Variants in SLC14A2 observed in about 807,000 individuals in gnomAD.
SLC14A2 encodes urea transporter 2.
Under a neutral mutation model 104.6 loss-of-function variants are expected in SLC14A2, and 91 were observed. The observed-to-expected ratio is 0.87, with a 90% CI of 0.73 to 1.04. The LOEUF is 1.04. SLC14A2 is among the 50% of genes least tolerant of loss of function. The pLI is 0.00. For missense variants in SLC14A2, 1,189 were observed against 1,156.0 expected, an observed-to-expected ratio of 1.03 and a Z score of -0.41; for synonymous variants, 476 against 466.4, an observed-to-expected ratio of 1.02 and a Z score of -0.27.
At chr18:45,497,426 A>G (rs765730310) in intron 2 of SLC14A2, among the ~76,000 whole-genome samples, 3 of 152,164 alleles carry the variant, frequency 2.0e-5, no homozygotes, top group South Asian at 2.1e-4. Context: ...TAGACATACA[A>G]TCTTTCAGGC....
At chr18:45,368,764 G>T (rs1859728386) in intron 1 of SLC14A2, among the ~76,000 whole-genome samples, 1 of 152,142 alleles carries the variant, frequency 6.6e-6, no homozygotes, top group South Asian at 2.1e-4. Flanking sequence ...TTTTGGATTG[G>T]CTTAACTGTT....
intron 1 of SLC14A2, among the ~76,000 whole-genome samples, chr18:45,385,094 T>A (rs957539916): frequency 6.6e-6 from 1 of 152,238 alleles, no homozygotes; most frequent in Non-Finnish European, 1.5e-5. Context: ...GAAAAACATC[T>A]GCACACTGAA....
chr18:45,524,113 C>T (rs963434398), intron 2 of SLC14A2, among the ~76,000 whole-genome samples: 1 of 152,050 alleles, frequency 6.6e-6, no homozygotes, highest in African/African-American at 2.4e-5. Context: ...GTATAAAGCA[C>T]CTGGATGGAG....
chr18:45,637,056 C>T lies in SLC14A2; in HGVS notation c.717C>T (p.Pro239=). The change falls in exon 6 of 20, where the codon CCC becomes CCT. Residue 239 remains proline, a synonymous_variant. Transcript: ENST00000255226. ...SKWDLPVFTL[P]FNIAVTLYLA... is the part of the protein sequence containing the mutation. Reference sequence around the variant, plus strand: ...GGGACCTCCCGGTCTTCACTCTGCCCTTCAACATTGCAGTCACCTTGTACC... The same window carrying T: ...GGGACCTCCCGGTCTTCACTCTGCCTTTCAACATTGCAGTCACCTTGTACC... 6.2e-7 allele frequency: 1 copy of T among 1,614,212 alleles called. No homozygotes were observed. Among genetic ancestry groups the T allele is most frequent in the Non-Finnish European group, 8.5e-7 (1 of 1,180,012 alleles).
chr18:45,507,287 T>A (rs900309021), intron 2 of SLC14A2: 9 of 152,288 alleles, frequency 5.9e-5, no homozygotes, highest in Admixed American at 2.0e-4. Context: ...TGGGAGAGCA[T>A]TGATGACCGG....
intron 1 of SLC14A2, among the ~76,000 whole-genome samples, chr18:45,472,113 T>C (rs553622395): frequency 1.3e-5 from 2 of 152,094 alleles, no homozygotes; most frequent in South Asian, 2.1e-4. Context: ...CCCTTATGAG[T>C]GAGAATATGC....
intron 1 of SLC14A2, among the ~76,000 whole-genome samples, chr18:45,453,928 C>T (rs1414226490): frequency 7.0e-6 from 1 of 143,778 alleles, no homozygotes; most frequent in South Asian, 2.2e-4. Flanking sequence ...GGCATGATCT[C>T]GGCTCACTGC....
At chr18:45,491,193 G>C (rs1598906882) in intron 2 of SLC14A2, among the ~76,000 whole-genome samples, 1 of 152,090 alleles carries the variant, frequency 6.6e-6, no homozygotes, top group Admixed American at 6.5e-5. Context: ...ATTGAAAATT[G>C]GAAAACAATT....
At chr18:45,489,185 T>C (rs750835104) in intron 2 of SLC14A2, among the ~76,000 whole-genome samples, 6 of 152,236 alleles carry the variant, frequency 3.9e-5, no homozygotes, top group Non-Finnish European at 5.9e-5. Context: ...CTCATGATTC[T>C]TATAGGGCTT....
At chr18:45,484,608 G>C (rs950013474) in intron 2 of SLC14A2, among the ~76,000 whole-genome samples, 17 of 152,164 alleles carry the variant, frequency 1.1e-4, no homozygotes, top group African/African-American at 4.1e-4. Context: ...TGGCAACAAG[G>C]TCCTAAAGAT....
intron 2 of SLC14A2, among the ~76,000 whole-genome samples, chr18:45,486,066 C>T (rs971812641): frequency 2.6e-5 from 4 of 152,156 alleles, no homozygotes; most frequent in Admixed American, 2.6e-4. Flanking sequence ...AGTGAGTAGA[C>T]AGAAAGTGCT....
intron 2 of SLC14A2, among the ~76,000 whole-genome samples, chr18:45,518,717 G>C (rs2043475639): frequency 6.6e-6 from 1 of 152,230 alleles, no homozygotes; most frequent in Non-Finnish European, 1.5e-5. Context: ...TTCAGAAAAA[G>C]ACGGATAATC....
chr18:45,434,902 T>C (rs2086572674), intron 1 of SLC14A2, among the ~76,000 whole-genome samples: 1 of 152,238 alleles, frequency 6.6e-6, no homozygotes, highest in African/African-American at 2.4e-5. Context: ...CTGACATACA[T>C]AACCATGGAA....
At chr18:45,607,801 G>C (rs1485451601) in intron 2 of SLC14A2, among the ~76,000 whole-genome samples, 1 of 152,176 alleles carries the variant, frequency 6.6e-6, no homozygotes, top group Non-Finnish European at 1.5e-5. Flanking sequence ...GCTTGACTGG[G>C]GCTGGAAGAT....
At chr18:45,293,345 G>A (rs1022944628) in intron 1 of SLC14A2, among the ~76,000 whole-genome samples, 3 of 152,048 alleles carry the variant, frequency 2.0e-5, no homozygotes, top group Non-Finnish European at 4.4e-5. Flanking sequence ...AGAGTTGCAG[G>A]TACTGGGGGA....
At chr18:45,398,632 C>A (rs993193832) in intron 1 of SLC14A2, among the ~76,000 whole-genome samples, 18 of 152,042 alleles carry the variant, frequency 1.2e-4, no homozygotes, top group Non-Finnish European at 2.2e-4. Context: ...AGGAATGAAA[C>A]TCTGACACGC....
chr18:45,326,069 A>G (rs1167640923), intron 1 of SLC14A2, among the ~76,000 whole-genome samples: 2 of 152,214 alleles, frequency 1.3e-5, no homozygotes, highest in African/African-American at 4.8e-5. Flanking sequence ...ACACCCACCC[A>G]GGCCTCCTGA....
chr18:45,253,931 T>A (rs967926085), intron 1 of SLC14A2, among the ~76,000 whole-genome samples: 1 of 152,322 alleles, frequency 6.6e-6, no homozygotes, highest in East Asian at 1.9e-4. Context: ...GCAAATTATA[T>A]CTTATTTGAA....
chr18:45,386,233 A>G (rs1467068540), intron 1 of SLC14A2, among the ~76,000 whole-genome samples: 1 of 152,134 alleles, frequency 6.6e-6, no homozygotes, highest in African/African-American at 2.4e-5. Flanking sequence ...TGCACCTGGA[A>G]TCTACTTCTG....
Sources: gnomAD v4.1 joint callset for allele counts (sites outside exome capture counted in the v4.1 genomes callset) on GRCh38, gnomAD v4.1.1 for gene constraint, MANE v1.5 for transcripts, NCBI Gene and HGNC (gene_info 2026-07-23, HGNC 2026-07-21) for gene names.